CHST10: variants seen among roughly 807,000 people sequenced by gnomAD.
The protein encoded by CHST10 is carbohydrate sulfotransferase 10, also known as HNK-1 sulfotransferase.
Under a neutral mutation model 34.7 loss-of-function variants are expected in CHST10, and 24 were observed. The observed-to-expected ratio is 0.69, with a 90% confidence interval of 0.50 to 0.97. The LOEUF is 0.97. Among genes scored for constraint, CHST10 ranks in the 50% least tolerant of loss-of-function variants. CHST10 has a pLI of 0.00. For missense variants in CHST10, 402 were observed against 452.1 expected (o/e 0.89, Z 1.00); for synonymous variants, 161 against 169.3 (o/e 0.95, Z 0.38).
chr2:100,403,132 T>C (rs1361777151), intron 3 of CHST10, among the ~76,000 whole-genome samples: 1 of 152,208 alleles, frequency 6.6e-6, no homozygotes, highest in Non-Finnish European at 1.5e-5. Context: ...ATAGGTACGA[T>C]ACACCCAGAC....
Position 100,393,315 on chromosome 2 carries a change from C to A in CHST10, c.1001G>T (p.Arg334Leu). Residue 334 changes from arginine to leucine, a missense_variant, in exon 7 of 7, where the codon CGC becomes CTC. Coordinates refer to ENST00000264249, the MANE Select transcript of CHST10 (RefSeq NM_004854.5). ...FLGISKRDIRRLYARFEGDFK... is the reference protein window; with the variant it reads ...FLGISKRDIRLLYARFEGDFK... ...GTCCCCTTCGAAACGGGCATACAGG[C>A]GTCGGATGTCTCGTTTGCTGATGCC... 1 of 1,614,156 alleles carries A rather than the reference C, an allele frequency of 6.2e-7. No individual in the cohort carries two copies. The highest frequency in any genetic ancestry group is 8.5e-7 in the Non-Finnish European group (1 of 1,180,036).
rs765318514 is a variant in CHST10 at position 100,415,059 on chromosome 2, C to G, written c.-51G>C. Reference sequence around the variant, plus strand: ...CACGTACCTTCTGCAGCCTGGGGCTCACATTTCCTTGCTGTGTTTCCCCTG... The same window carrying G: ...CACGTACCTTCTGCAGCCTGGGGCTGACATTTCCTTGCTGTGTTTCCCCTG... On this transcript the variant is annotated 5_prime_UTR_variant, in exon 2 of 7. An upstream open reading frame in the 5' UTR loses its in-frame stop. Transcript: ENST00000264249. The G allele has an allele frequency of 1.5e-6, 2 of 1,303,532 alleles. No homozygotes were observed. The highest frequency in any genetic ancestry group is 2.0e-6 in the Non-Finnish European group (2 of 988,696). 80.7% of individuals were successfully genotyped at this position (1,303,532 alleles called of 1,614,324 possible).
At position 100,411,460 on chromosome 2, in the gene CHST10, C is replaced by T. The variant is rs557452149; in HGVS notation, c.-33+3581G>A. Among the ~76,000 whole-genome samples the T allele has an allele frequency of 9.9e-5, 15 of 152,224 alleles. No individual in the cohort carries two copies. The South Asian group carries it at 2.9e-3, about 29-fold the overall frequency. ...GACTTGTTCTACAAGTCACATCCTA[C>T]ATGAGCCAATCAGAACCAGTAAGAC... On this transcript the variant is annotated intron_variant, in intron 2 of 6. Transcript: ENST00000264249.
chr2:100,415,515 C>T (rs1440336986), intron 1 of CHST10, among the ~76,000 whole-genome samples: 3 of 152,046 alleles, frequency 2.0e-5, no homozygotes, highest in African/African-American at 7.2e-5. Flanking sequence ...AAATTTTAGC[C>T]AAATGCCATA....
At chr2:100,401,311 G>A (rs1675330473) in intron 4 of CHST10, among the ~76,000 whole-genome samples, 2 of 152,112 alleles carry the variant, frequency 1.3e-5, no homozygotes, top group African/African-American at 2.4e-5. Flanking sequence ...AGGGCGGCTC[G>A]GAAGACCAAT....
intron 2 of CHST10, chr2:100,407,867 T>C (rs1675650649): frequency 6.6e-6 from 1 of 152,264 alleles, no homozygotes; most frequent in African/African-American, 2.4e-5. Flanking sequence ...GCTTCGTGTG[T>C]TTCCTGGGGT....
intron 1 of CHST10, 69 bp from the exon 2 acceptor site, chr2:100,415,180 T>C: frequency 4.2e-6 from 4 of 961,160 alleles, no homozygotes; most frequent in Non-Finnish European, 5.7e-6. Context: ...TAATACAACT[T>C]GGTTTATACT....
chr2:100,393,237 C>T lies in CHST10; in HGVS notation c.*8G>A, dbSNP rs200911220. On this transcript the variant is annotated 3_prime_UTR_variant, in exon 7 of 7. Transcript: ENST00000264249. ...AATAAAGATATTTGAATTCATAGGT[C>T]TTATGCATTAGTTTAGCAAAAAGTC... is the stretch of plus-strand genomic sequence containing the variant. 9.8e-4 allele frequency: 1,578 copies of T among 1,613,494 alleles called. 3 individuals are homozygous for T. Among genetic ancestry groups the T allele is most frequent in the Non-Finnish European group, 1.2e-3 (1,440 of 1,179,784 alleles).
Position 100,393,214 on chromosome 2 carries a change from T to TAAAG in CHST10, c.*27_*30dup, listed in dbSNP as rs765435914. Reference sequence around the variant, plus strand: ...TTCACCTGGTTAGCCCCAGGTCTAATAAAGATATTTGAATTCATAGGTCTT... The same window carrying TAAAG: ...TTCACCTGGTTAGCCCCAGGTCTAATAAAGAAAGATATTTGAATTCATAGGTCTT... On this transcript the variant is annotated 3_prime_UTR_variant, in exon 7 of 7. Transcript: ENST00000264249. The TAAAG allele has an allele frequency of 6.2e-7, 1 of 1,607,166 alleles. No individual in the cohort carries two copies. Among genetic ancestry groups the TAAAG allele is most frequent in the South Asian group, 1.1e-5 (1 of 90,308 alleles).
intron 2 of CHST10, chr2:100,407,707 C>G (rs1245709664): frequency 6.6e-6 from 1 of 152,210 alleles, no homozygotes; most frequent in Non-Finnish European, 1.5e-5. Flanking sequence ...AACCAGGCAT[C>G]TGGAATGCAA....
chr2:100,396,409 A>C (rs1675060951), intron 5 of CHST10, among the ~76,000 whole-genome samples: 1 of 152,226 alleles, frequency 6.6e-6, no homozygotes, highest in Non-Finnish European at 1.5e-5. Flanking sequence ...ATACACTGTC[A>C]GTATGCTGAG....
At position 100,406,692 on chromosome 2, in the gene CHST10, C is replaced by A. The variant is rs1675594695; in HGVS notation, c.-17G>T. On this transcript the variant is annotated 5_prime_UTR_variant, in exon 3 of 7. An upstream start codon of the reference 5' UTR is lost. Coordinates refer to ENST00000264249, the MANE Select transcript of CHST10 (RefSeq NM_004854.5). ...GTGGTGCATGTTGTCACACCGCAGC[C>A]ATTCACTGACTCTTCCTGGAAAACA... 1 of 1,596,946 alleles carries A rather than the reference C, an allele frequency of 6.3e-7. No homozygotes were observed. Among genetic ancestry groups the A allele is most frequent in the Admixed American group, 1.7e-5 (1 of 59,356 alleles).
At chr2:100,409,413 G>A (rs1675723574) in intron 2 of CHST10, among the ~76,000 whole-genome samples, 2 of 152,150 alleles carry the variant, frequency 1.3e-5, no homozygotes, top group South Asian at 4.1e-4. Context: ...AAAACTGAGA[G>A]GTGCACTCTC....
chr2:100,397,829 T>A lies in CHST10; in HGVS notation c.427+79A>T, dbSNP rs185960377. ...GTCAAACCAGCCCTCTTGTGACTCC[T>A]CCTTGCTGTCCTCCCCAGCCTCCTC... On this transcript the variant is annotated intron_variant, in intron 5 of 6. Coordinates refer to ENST00000264249, the MANE Select transcript of CHST10 (RefSeq NM_004854.5). The A allele has an allele frequency of 8.2e-4, 970 of 1,179,442 alleles. No homozygotes were observed. In the Middle Eastern group the frequency reaches 0.015, roughly 18 times the overall value. 73.1% of individuals were successfully genotyped at this position (1,179,442 alleles called of 1,614,324 possible).
chr2:100,396,560 C>T (rs1053809076), intron 5 of CHST10, among the ~76,000 whole-genome samples: 1 of 152,170 alleles, frequency 6.6e-6, no homozygotes, highest in Admixed American at 6.5e-5. Flanking sequence ...TGATTCCTCC[C>T]CCGAGTGTTT....
chr2:100,395,893 C>A (rs1675035821), intron 5 of CHST10, among the ~76,000 whole-genome samples: 1 of 152,194 alleles, frequency 6.6e-6, no homozygotes, highest in Admixed American at 6.5e-5. Flanking sequence ...CTGGCAGTGC[C>A]TACCCCTGGC....
At chr2:100,398,926 C>T (rs1033674167) in intron 4 of CHST10, among the ~76,000 whole-genome samples, 2 of 152,022 alleles carry the variant, frequency 1.3e-5, no homozygotes, top group Non-Finnish European at 2.9e-5. Flanking sequence ...CTCAGAGGCC[C>T]CCTGTCCTCG....
intron 4 of CHST10, among the ~76,000 whole-genome samples, chr2:100,401,769 A>G (rs930530809): frequency 7.9e-5 from 12 of 152,092 alleles, no homozygotes; most frequent in Admixed American, 2.6e-4. Context: ...TGACTGGTGT[A>G]TGTTTTCTAT....
chr2:100,403,308 A>G (rs1325894014), intron 3 of CHST10, among the ~76,000 whole-genome samples: 1 of 152,186 alleles, frequency 6.6e-6, no homozygotes, highest in Non-Finnish European at 1.5e-5. Context: ...CAGGTCCACA[A>G]GGGCATCATT....
Sources: gnomAD v4.1 joint callset for allele counts (sites outside exome capture counted in the v4.1 genomes callset) on GRCh38, gnomAD v4.1.1 for gene constraint, MANE v1.5 for transcripts, NCBI Gene and HGNC (gene_info 2026-07-23, HGNC 2026-07-21) for gene names.